Variants in MACROH2A1 observed in about 807,000 individuals in gnomAD.
MACROH2A1 encodes the protein core histone macro-H2A.1.
MACROH2A1 carries 2 observed loss-of-function variants against 31.6 expected under a neutral mutation model. The observed-to-expected ratio is 0.06, with a 90% CI of 0.03 to 0.20. MACROH2A1 has a LOEUF of 0.20. Ranked by LOEUF, MACROH2A1 falls within the 10% of genes least tolerant of loss-of-function variation. The pLI is 1.00. For missense variants in MACROH2A1, 230 were observed against 474.0 expected (o/e 0.49, Z 4.78); for synonymous variants, 169 against 189.6 (o/e 0.89, Z 0.89).
At chr5:135,344,503 G>GA (rs1449910950) in intron 7 of MACROH2A1, 1 of 152,174 alleles carries the variant, frequency 6.6e-6, no homozygotes, top group Non-Finnish European at 1.5e-5. Flanking sequence ...CACAGGGTGT[G>GA]AATTTGAGTC....
chr5:135,372,776 G>A (rs183455982), intron 2 of MACROH2A1, among the ~76,000 whole-genome samples: 4 of 152,328 alleles, frequency 2.6e-5, no homozygotes, highest in Admixed American at 2.0e-4. Context: ...AGTCAGCCAC[G>A]ATGGGTGCTG....
rs766460211 is a variant in MACROH2A1 at position 135,369,416 on chromosome 5, C to T, written c.467G>A (p.Arg156Gln). 47 of 1,613,772 alleles carry T rather than the reference C, an allele frequency of 2.9e-5. No homozygotes were observed. The highest frequency in any genetic ancestry group is 4.5e-5 in the East Asian group (2 of 44,896). The change falls in exon 4 of 9, where the codon CGG (arginine) becomes CAG (glutamine). Residue 156 changes from arginine to glutamine, a missense_variant. By Grantham distance (43) the Arg-to-Gln change is conservative (BLOSUM62 1). Transcript: ENST00000511689. The surrounding 1 kb of genome is among the most constrained non-coding windows in gnomAD (Gnocchi z 4.3). ...SKKAGGKKGARKSKKKQGEVS... is the reference protein window; with the variant it reads ...SKKAGGKKGAQKSKKKQGEVS... Reference sequence around the variant, plus strand: ...GGCCAAATCACATACCTTGGATTTCCGGGCCCCTTTCTTGCCTCCTGCTTT... The same window carrying T: ...GGCCAAATCACATACCTTGGATTTCTGGGCCCCTTTCTTGCCTCCTGCTTT...
At chr5:135,389,449 A>C (rs1342120460) in intron 1 of MACROH2A1, among the ~76,000 whole-genome samples, 2 of 152,198 alleles carry the variant, frequency 1.3e-5, no homozygotes, top group African/African-American at 2.4e-5. Context: ...TACACTTGAG[A>C]CTGGGGCTGA....
At chr5:135,351,709 C>T (rs540618692) in intron 6 of MACROH2A1, among the ~76,000 whole-genome samples, 6 of 150,992 alleles carry the variant, frequency 4.0e-5, no homozygotes, top group South Asian at 2.1e-4. Flanking sequence ...ACTACAGGCA[C>T]GTGTCACCAA....
intron 1 of MACROH2A1, among the ~76,000 whole-genome samples, chr5:135,389,714 C>G (rs1427141233): frequency 6.6e-6 from 1 of 152,118 alleles, no homozygotes; most frequent in Non-Finnish European, 1.5e-5. Context: ...TTTTTTCCTT[C>G]CTTGCTCCCA....
chr5:135,381,865 G>A (rs756788379), intron 2 of MACROH2A1, among the ~76,000 whole-genome samples: 6 of 152,160 alleles, frequency 3.9e-5, no homozygotes, highest in African/African-American at 4.8e-5. Flanking sequence ...AAATACTAAC[G>A]TATGCTTAAT....
chr5:135,369,333 G>T lies in MACROH2A1; in HGVS notation c.477+73C>A. 1 of 1,216,500 alleles carries T rather than the reference G, an allele frequency of 8.2e-7. No individual in the cohort carries two copies. Among genetic ancestry groups the T allele is most frequent in the Non-Finnish European group, 1.2e-6 (1 of 821,914 alleles). The allele number at this position is 1,216,500 out of a possible 1,614,324, so 75.4% of individuals were successfully genotyped here. ...GGATGAGCCCACAGGGGGAATGAGG[G>T]GGGTGCCCTGGTAACCCTGTTTATC... On this transcript the variant is annotated intron_variant, in intron 4 of 8. Transcript: ENST00000511689. The surrounding 1 kb of genome is among the most constrained non-coding windows in gnomAD (Gnocchi z 4.3).
intron 8 of MACROH2A1, chr5:135,343,030 T>C (rs1317012897): frequency 9.4e-6 from 9 of 961,712 alleles, no homozygotes; most frequent in Non-Finnish European, 1.3e-5. Flanking sequence ...CCTTCTGTGA[T>C]GACATTTGCT....
At chr5:135,379,985 A>T (rs73294527) in intron 2 of MACROH2A1, among the ~76,000 whole-genome samples, 1 of 152,020 alleles carries the variant, frequency 6.6e-6, no homozygotes, top group East Asian at 1.9e-4. Flanking sequence ...GCCCTGCTGC[A>T]TACCTCCCCT....
intron 1 of MACROH2A1, among the ~76,000 whole-genome samples, chr5:135,397,398 A>AT (rs886940097): frequency 3.3e-5 from 5 of 152,204 alleles, no homozygotes; most frequent in African/African-American, 4.8e-5. Flanking sequence ...GTTCCAGACA[A>AT]TTCTTAAAGT....
At chr5:135,360,791 T>C (rs1442891178) in intron 4 of MACROH2A1, 184 bp from the exon 5 acceptor site, 1 of 698,866 alleles carries the variant, frequency 1.4e-6, no homozygotes, top group Non-Finnish European at 2.6e-6. Flanking sequence ...CTGTGGAGTG[T>C]GTTAAGTTAT....
At chr5:135,360,045 A>C (rs913866700) in intron 5 of MACROH2A1, 1 of 305,456 alleles carries the variant, frequency 3.3e-6, no homozygotes, top group African/African-American at 2.3e-5. Context: ...TACAGTCTGA[A>C]AACAATCCCC....
rs114373593 is a variant in MACROH2A1, at chr5:135,335,644, C to T, written c.954-503G>A. 6.0e-3 allele frequency among the ~76,000 whole-genome samples: 909 copies of T among 152,296 alleles called. 8 individuals are homozygous for T. Among genetic ancestry groups the T allele is most frequent in the African/African-American group, 0.021 (857 of 41,554 alleles). ...GAATCCACCCTCTAACACACACCAGCGGTACCACCCCAGAGGCCAGAACGC... is the reference window on the plus strand; with the variant it reads ...GAATCCACCCTCTAACACACACCAGTGGTACCACCCCAGAGGCCAGAACGC... On this transcript the variant is annotated intron_variant, in intron 8 of 8. Coordinates refer to ENST00000511689, the MANE Select transcript of MACROH2A1 (RefSeq NM_138610.3).
At chr5:135,397,632 T>G (rs1768199425) in intron 1 of MACROH2A1, among the ~76,000 whole-genome samples, 1 of 152,232 alleles carries the variant, frequency 6.6e-6, no homozygotes, top group Non-Finnish European at 1.5e-5. Context: ...AAAATAAGTT[T>G]GAAAACATAC....
At position 135,377,825 on chromosome 5, in the gene MACROH2A1, ACT is replaced by A. The variant is rs1765100081; in HGVS notation, c.173-7685_173-7684del. Among the ~76,000 whole-genome samples, 4 of 152,036 alleles carry A rather than the reference ACT, an allele frequency of 2.6e-5. No homozygotes were observed. The South Asian group carries it at 8.3e-4, about 32-fold the overall frequency. ...GTCACAAGCCCCCTTACCCTCAGACACTCTGTCCCAGCCTGCTTAATCCTGCT... is the reference window on the plus strand; with the variant it reads ...GTCACAAGCCCCCTTACCCTCAGACACTGTCCCAGCCTGCTTAATCCTGCT... On this transcript the variant is annotated intron_variant, in intron 2 of 8. Coordinates refer to ENST00000511689, the MANE Select transcript of MACROH2A1 (RefSeq NM_138610.3).
chr5:135,369,682 C>T lies in MACROH2A1; in HGVS notation c.280-79G>A. 8.3e-7 allele frequency: 1 copy of T among 1,201,552 alleles called. No homozygotes were observed. Among genetic ancestry groups the T allele is most frequent in the Admixed American group, 1.7e-5 (1 of 57,178 alleles). 74.4% of individuals were successfully genotyped at this position (1,201,552 alleles called of 1,614,324 possible). A position where few individuals can be genotyped will look rare whatever the true frequency, so the allele number is the denominator to read the frequency against. Reference sequence around the variant, plus strand: ...TTCAAGAAGCCAGCCCTGCCCAGGACAGTCTTGCTTTGGGTTGGTGCAGCT... The same window carrying T: ...TTCAAGAAGCCAGCCCTGCCCAGGATAGTCTTGCTTTGGGTTGGTGCAGCT... On this transcript the variant is annotated intron_variant, in intron 3 of 8. Transcript: ENST00000511689. The surrounding 1 kb of genome is among the most constrained non-coding windows in gnomAD (Gnocchi z 4.3).
intron 1 of MACROH2A1, among the ~76,000 whole-genome samples, chr5:135,390,758 G>C (rs1388704232): frequency 6.6e-5 from 10 of 152,126 alleles, no homozygotes; most frequent in Admixed American, 6.6e-4. Context: ...ACCTATACTA[G>C]GGACATTGTC....
At chr5:135,347,778 G>A (rs1411353019) in intron 6 of MACROH2A1, among the ~76,000 whole-genome samples, 2 of 152,192 alleles carry the variant, frequency 1.3e-5, no homozygotes, top group Non-Finnish European at 2.9e-5. Context: ...ACACACTGCT[G>A]CCCCTGGGGC....
chr5:135,381,559 G>C (rs1160111138), intron 2 of MACROH2A1, among the ~76,000 whole-genome samples: 1 of 152,122 alleles, frequency 6.6e-6, no homozygotes, highest in Admixed American at 6.5e-5. Context: ...AGGCTGCAGT[G>C]AGCCATGATC....
Sources: gnomAD v4.1 joint callset for allele counts (sites outside exome capture counted in the v4.1 genomes callset) on GRCh38, gnomAD v4.1.1 for gene constraint, Gnocchi (gnomAD v3.1) non-coding constraint, MANE v1.5 for transcripts, NCBI Gene and HGNC (gene_info 2026-07-23, HGNC 2026-07-21) for gene names.